Variants in MED15 observed in about 807,000 individuals in gnomAD.
MED15 encodes the protein mediator of RNA polymerase II transcription subunit 15.
Under a neutral mutation model 118.7 loss-of-function variants are expected in MED15, and 41 were observed. The observed-to-expected ratio is 0.35, with a 90% CI of 0.27 to 0.45. The LOEUF is 0.45. Ranked by LOEUF, MED15 falls within the 20% of genes least tolerant of loss-of-function variation. The pLI is 1.00. For synonymous variants in MED15, 436 were observed against 413.9 expected (o/e 1.05, Z -0.65); for missense variants, 740 against 1,025.5 (o/e 0.72, Z 3.80).
At position 20,507,626 on chromosome 22, in the gene MED15, C is replaced by A; in HGVS notation, c.-53C>A. The A allele has an allele frequency of 6.2e-7, 1 of 1,605,586 alleles. No individual in the cohort carries two copies. Among genetic ancestry groups the A allele is most frequent in the Non-Finnish European group, 8.5e-7 (1 of 1,172,622 alleles). On this transcript the variant is annotated 5_prime_UTR_variant, in exon 1 of 18. Coordinates refer to ENST00000263205, the MANE Select transcript of MED15 (RefSeq NM_001003891.3). ...TTTGGGCCTGGCTCTGTGACTGAGG[C>A]GGCGGCGGTGGCGGCCAAGCGGGAT...
chr22:20,518,116 G>A lies in MED15; in HGVS notation c.68+10370G>A, dbSNP rs149577001. ...CCATAATGCGTCAACATCGACAAGC[G>A]CTTGTTACCAAGCAGGATGCGTGGT... is the stretch of plus-strand genomic sequence containing the variant. On this transcript the variant is annotated intron_variant, in intron 1 of 17. Coordinates refer to ENST00000263205, the MANE Select transcript of MED15 (RefSeq NM_001003891.3). Among the ~76,000 whole-genome samples the A allele has an allele frequency of 3.8e-3, 583 of 152,356 alleles. 4 individuals carry two copies. The highest frequency in any genetic ancestry group is 6.0e-3 in the South Asian group (29 of 4,822).
In MED15 at chr22:20,584,863, C is replaced by T; in HGVS notation, c.1812C>T (p.Pro604=). The T allele has an allele frequency of 1.2e-6, 2 of 1,612,354 alleles. No individual in the cohort carries two copies. The highest frequency in any genetic ancestry group is 1.3e-5 in the African/African-American group (1 of 74,984). ...GCCCATCCTGTCTCCAGCCCACTCC[C>T]CCACCGCCCCCGGTGCCACCGACCA... ...KLKNDMAVPT[P]PPPPVPPTKQ... is the part of the protein sequence containing the mutation. Residue 604 remains proline, a synonymous_variant, in exon 15 of 18, where the codon CCC becomes CCT. Transcript: ENST00000263205.
chr22:20,511,381 A>C (rs1652674510), intron 1 of MED15, among the ~76,000 whole-genome samples: 1 of 151,576 alleles, frequency 6.6e-6, no homozygotes, highest in African/African-American at 2.4e-5. Flanking sequence ...AGTCCCAGCT[A>C]CTCTGGAGGC....
intron 13 of MED15, chr22:20,584,066 G>A (rs1382653203): frequency 4.2e-6 from 2 of 472,720 alleles, no homozygotes; most frequent in Non-Finnish European, 7.7e-6. Context: ...GGGTTATAGG[G>A]ATGAGTGGGG....
At position 20,524,017 on chromosome 22, in the gene MED15, A is replaced by G. The variant is rs151130818; in HGVS notation, c.69-13100A>G. On this transcript the variant is annotated intron_variant, in intron 1 of 17. Transcript: ENST00000263205. ...CTGCAGGACCAAAATACCCATTCCT[A>G]CATGTGGGTGGAGAGTTAAATTCTG... 1.8e-3 allele frequency: 311 copies of G among 174,782 alleles called. 1 individual carries two copies. Among genetic ancestry groups the G allele is most frequent in the African/African-American group, 6.9e-3 (288 of 41,946 alleles). The allele number at this position is 174,782 out of a possible 1,614,324, so 10.8% of individuals were successfully genotyped here.
Position 20,542,619 on chromosome 22 carries a change from T to C in MED15, c.156+5415T>C, listed in dbSNP as rs541609590. Among the ~76,000 whole-genome samples the C allele has an allele frequency of 5.3e-5, 8 of 152,362 alleles. No individual in the cohort carries two copies. The South Asian group carries it at 1.7e-3, about 32-fold the overall frequency. ...GCTCTGACTTCTGAGCCCATGTCTC[T>C]GCCCTCACTTTCTTAAAGGGTAGCA... is the stretch of plus-strand genomic sequence containing the variant. On this transcript the variant is annotated intron_variant, in intron 2 of 17. Coordinates refer to ENST00000263205, the MANE Select transcript of MED15 (RefSeq NM_001003891.3).
At chr22:20,525,946 G>T (rs1459803799) in intron 1 of MED15, among the ~76,000 whole-genome samples, 2 of 151,048 alleles carry the variant, frequency 1.3e-5, no homozygotes, top group African/African-American at 4.9e-5. Context: ...TTTGAGACAG[G>T]GTCTTACTCT....
At chr22:20,547,438 TCA>T (rs1480987035) in intron 2 of MED15, among the ~76,000 whole-genome samples, 4 of 152,182 alleles carry the variant, frequency 2.6e-5, no homozygotes, top group African/African-American at 9.7e-5. Context: ...CTACAGTGAC[TCA>T]CACCTGTAAT....
chr22:20,512,737 G>A (rs1289829354), intron 1 of MED15, among the ~76,000 whole-genome samples: 1 of 149,622 alleles, frequency 6.7e-6, no homozygotes, highest in Non-Finnish European at 1.5e-5. Flanking sequence ...GACTACAGGC[G>A]CCCGCCACCA....
intron 1 of MED15, among the ~76,000 whole-genome samples, chr22:20,516,056 C>T (rs974028889): frequency 2.0e-5 from 3 of 151,790 alleles, no homozygotes; most frequent in African/African-American, 4.8e-5. Flanking sequence ...GTGGCTCACA[C>T]CTGTAATCCC....
chr22:20,583,219 C>T lies in MED15; in HGVS notation c.1644C>T (p.Arg548=). Residue 548 remains arginine (R), a synonymous_variant, in exon 12 of 18, where the codon CGC becomes CGT. Transcript: ENST00000263205. ...CGAAGTACATCGAGCCCCTGCGCCG[C>T]ATGATCAACAAGATCGACAAGAACG... ...QLSKYIEPLR[R]MINKIDKNED... is the part of the protein sequence containing the mutation. The T allele has an allele frequency of 6.2e-7, 1 of 1,612,060 alleles. No individual in the cohort carries two copies. Among genetic ancestry groups the T allele is most frequent in the Non-Finnish European group, 8.5e-7 (1 of 1,178,838 alleles).
At chr22:20,535,469 A>G (rs2055028965) in intron 1 of MED15, among the ~76,000 whole-genome samples, 1 of 152,140 alleles carries the variant, frequency 6.6e-6, no homozygotes, top group African/African-American at 2.4e-5. Flanking sequence ...AATGCTTTCT[A>G]GCACGAGCTG....
chr22:20,511,860 A>G (rs1023988345), intron 1 of MED15, among the ~76,000 whole-genome samples: 1 of 152,088 alleles, frequency 6.6e-6, no homozygotes, highest in African/African-American at 2.4e-5. Flanking sequence ...GACTTTTCTT[A>G]GCATTAGAAT....
At chr22:20,546,502 G>GTT (rs139110861) in intron 2 of MED15, among the ~76,000 whole-genome samples, 10,048 of 108,756 alleles carry the variant, frequency 0.092, 1,096 homozygotes, top group Non-Finnish European at 0.13. Flanking sequence ...GTTACATGGA[G>GTT]TTTTTTTTGT....
chr22:20,585,737 A>G lies in MED15; in HGVS notation c.2141A>G (p.Asp714Gly), dbSNP rs551673301. 6.2e-7 allele frequency: 1 copy of G among 1,612,850 alleles called. No individual in the cohort carries two copies. The highest frequency in any genetic ancestry group is 1.1e-5 in the South Asian group (1 of 91,058). Residue 714 changes from aspartate to glycine, a missense_variant, in exon 17 of 18, where the codon GAC becomes GGC. By Grantham distance (94) the Asp-to-Gly change is moderately conservative. Around this residue, in one of 7 missense-constraint regions of MED15, gnomAD observed 179 missense variants for 259.0 expected, o/e 0.69. Coordinates refer to ENST00000263205, the MANE Select transcript of MED15 (RefSeq NM_001003891.3). Reference sequence around the variant, plus strand: ...GCCTTCTGTGTTGCAGATGACAAGGACCTCCCAAGTGTGCCACCACTGGAG... The same window carrying G: ...GCCTTCTGTGTTGCAGATGACAAGGGCCTCCCAAGTGTGCCACCACTGGAG... ...VHLICKLDDKDLPSVPPLELS... is the reference protein window; with the variant it reads ...VHLICKLDDKGLPSVPPLELS...
rs1417819326 is a variant in MED15, at chr22:20,587,610, T to G, written c.*906T>G. 5.7e-6 allele frequency: 3 copies of G among 529,294 alleles called. No individual in the cohort carries two copies. Among genetic ancestry groups the G allele is most frequent in the Non-Finnish European group, 9.0e-6 (3 of 334,902 alleles). 32.8% of individuals were successfully genotyped at this position (529,294 alleles called of 1,614,324 possible). On this transcript the variant is annotated 3_prime_UTR_variant, in exon 18 of 18. Transcript: ENST00000263205. The stretch of plus-strand genomic sequence containing the variant: ...ATCTGTGATTATAATAAATTTATTA[T>G]TCCTGTGTTTGTCAGTTGTTCATCA...
chr22:20,566,325 C>T (rs1389852697), intron 6 of MED15, 142 bp from the exon 7 acceptor site: 4 of 1,450,472 alleles, frequency 2.8e-6, no homozygotes, highest in Non-Finnish European at 3.7e-6. Flanking sequence ...CAGGCGTGAG[C>T]CACTGCACCC....
chr22:20,569,870 G>A (rs547488542), intron 8 of MED15, among the ~76,000 whole-genome samples: 28 of 152,150 alleles, frequency 1.8e-4, no homozygotes, highest in South Asian at 4.1e-4. Context: ...CTCAGGCCTC[G>A]TGGGGGGGCT....
chr22:20,541,988 CTCA>C (rs1172123133), intron 2 of MED15, among the ~76,000 whole-genome samples: 3 of 152,048 alleles, frequency 2.0e-5, no homozygotes, highest in African/African-American at 7.2e-5. Context: ...GAGACAGGGT[CTCA>C]TCATGTTGGC....
Sources: allele counts gnomAD v4.1 joint callset (sites outside exome capture counted in the v4.1 genomes callset), GRCh38; gene constraint gnomAD v4.1.1; regional missense constraint gnomAD v4.1.1; transcripts MANE v1.5; gene names NCBI Gene and HGNC (gene_info 2026-07-23, HGNC 2026-07-21).